Variants in ZDHHC24 observed in about 807,000 individuals in gnomAD.
ZDHHC24 encodes the protein zDHHC palmitoyltransferase 24, also known as probable palmitoyltransferase ZDHHC24.
Under a neutral mutation model 23.2 loss-of-function variants are expected in ZDHHC24, and 17 were observed. The ratio of observed to expected loss-of-function variants is 0.73; its 90% CI spans 0.50 to 1.10. The LOEUF (loss-of-function observed/expected upper bound fraction) is 1.10, where lower values mean the gene tolerates loss of function less well. Ranked by LOEUF, ZDHHC24 falls within the 50% of genes least tolerant of loss-of-function variation. ZDHHC24 has a pLI of 0.00. For missense variants in ZDHHC24, 366 were observed against 393.0 expected (o/e 0.93, Z 0.58); for synonymous variants, 186 against 194.5 (o/e 0.96, Z 0.36).
At chr11:66,529,211 G>C in intron 3 of ZDHHC24, 2 of 1,481,272 alleles carry the variant, frequency 1.4e-6, no homozygotes, top group East Asian at 5.0e-5. Context: ...GTGGGCCCTG[G>C]AGGTGGCTTG....
Position 66,545,749 on chromosome 11 carries a change from G to C in ZDHHC24, c.255C>G (p.Ala85=). The change falls in exon 1 of 3, where the codon GCC becomes GCG. Residue 85 remains alanine, a synonymous_variant. Transcript: ENST00000310442. The surrounding 1 kb of genome is among the most constrained non-coding windows in gnomAD (Gnocchi z 4.5). ...SDPSIRGVML[A]GRGLGQGWAY... Reference sequence around the variant, plus strand: ...CCCAGCCCTGGCCCAGACCGCGGCCGGCCAGCATCACGCCACGGATGCTGG... The same window carrying C: ...CCCAGCCCTGGCCCAGACCGCGGCCCGCCAGCATCACGCCACGGATGCTGG... 1 of 1,585,476 alleles carries C rather than the reference G, an allele frequency of 6.3e-7. No individual in the cohort carries two copies. The highest frequency in any genetic ancestry group is 8.5e-7 in the Non-Finnish European group (1 of 1,171,432).
At chr11:66,524,503 G>T (rs929188888) in intron 4 of ZDHHC24, among the ~76,000 whole-genome samples, 2 of 152,114 alleles carry the variant, frequency 1.3e-5, no homozygotes, top group East Asian at 1.9e-4. Flanking sequence ...GATAAATGGG[G>T]ATGGACTCCA....
intron 2 of ZDHHC24, among the ~76,000 whole-genome samples, chr11:66,541,901 A>G (rs1857163346): frequency 6.6e-6 from 1 of 151,934 alleles, no homozygotes; most frequent in Non-Finnish European, 1.5e-5. Flanking sequence ...TCCCTTGGGA[A>G]GCTTAGAGCA....
At chr11:66,541,753 A>G (rs1459197261) in intron 2 of ZDHHC24, among the ~76,000 whole-genome samples, 1 of 152,142 alleles carries the variant, frequency 6.6e-6, no homozygotes, top group African/African-American at 2.4e-5. Flanking sequence ...GCTGGGGGCC[A>G]GCAGTGTCAT....
chr11:66,526,894 T>A lies in ZDHHC24; in HGVS notation c.*21+42A>T, dbSNP rs1223305558. ...GGGGGAATGCTGCCCAGCCTCCCTG[T>A]GCACTGGGAGGAGATCTCGGCCAAC... On this transcript the variant is annotated intron_variant, in intron 4 of 4. Transcript: ENST00000526986. The A allele has an allele frequency of 6.2e-6, 10 of 1,612,102 alleles. No homozygotes were observed. In the Admixed American group the frequency reaches 1.7e-4, roughly 27 times the overall value.
In ZDHHC24 at chr11:66,543,742, G is replaced by A. The variant is rs1489529443; in HGVS notation, c.521C>T (p.Ala174Val). Residue 174 changes from alanine (A) to valine (V), a missense_variant, in exon 2 of 3, where the codon GCT becomes GTT. Coordinates refer to ENST00000310442, the MANE Select transcript of ZDHHC24 (RefSeq NM_207340.3). ...GAGCCAGGGAAGCAGGAGGAGGGCA[G>A]CCATGTGGAGGGGCGTGTGGGCTCG... is the stretch of plus-strand genomic sequence containing the variant. ...LLRAHTPLHM[A>V]ALLLLPWLML... The A allele has an allele frequency of 1.2e-6, 2 of 1,602,364 alleles. No individual in the cohort carries two copies. Among genetic ancestry groups the A allele is most frequent in the Middle Eastern group, 1.8e-4 (1 of 5,650 alleles).
chr11:66,526,870 G>C, intron 4 of ZDHHC24: 11 of 1,613,722 alleles, frequency 6.8e-6, no homozygotes, highest in Non-Finnish European at 9.3e-6. Flanking sequence ...AGCAAAGCTG[G>C]GGGAATGCTG....
At position 66,523,591 on chromosome 11, in the gene ZDHHC24, AAGC is replaced by A. The variant is rs759627328; in HGVS notation, c.*22-2128_*22-2126del. The A allele has an allele frequency of 1.5e-5, 25 of 1,613,938 alleles. No individual in the cohort carries two copies. The highest frequency in any genetic ancestry group is 1.9e-5 in the Non-Finnish European group (22 of 1,180,028). ...TCACCCACAAGGTGCAGCCCCCAGC[AAGC>A]AGCAGCCCCTCCACGCCTATGTCCC... On this transcript the variant is annotated intron_variant, in intron 4 of 4. Transcript: ENST00000526986.
At chr11:66,531,019 C>T, downstream of ZDHHC24, 2 of 1,614,222 alleles carry the variant, frequency 1.2e-6, no homozygotes, top group Non-Finnish European at 1.7e-6. Flanking sequence ...TGCCCCGGGC[C>T]TTCTTCAAGG....
At chr11:66,531,526 A>C, downstream of ZDHHC24, 1 of 1,192,730 alleles carries the variant, frequency 8.4e-7, no homozygotes. Context: ...ATCCTCCTCC[A>C]CCCAGCAGTT....
chr11:66,521,946 C>T (rs1856249915), intron 4 of ZDHHC24, among the ~76,000 whole-genome samples: 1 of 138,632 alleles, frequency 7.2e-6, no homozygotes. Flanking sequence ...GTGCCGGGTG[C>T]ATTGCCTCAC....
At chr11:66,528,141 A>C (rs11608107) in intron 3 of ZDHHC24, among the ~76,000 whole-genome samples, 2,305 of 152,252 alleles carry the variant, frequency 0.015, 19 homozygotes, top group Non-Finnish European at 0.023. Context: ...ACTTGAACCT[A>C]GGAGGCAAAG....
chr11:66,523,644 C>G, intron 4 of ZDHHC24: 1 of 1,611,838 alleles, frequency 6.2e-7, no homozygotes, highest in Non-Finnish European at 8.5e-7. Context: ...CAAGAGAGTC[C>G]TCTGGCTTCC....
In ZDHHC24 at chr11:66,536,230, G is replaced by A. The variant is rs1358951069; in HGVS notation, c.*3299C>T. 2 of 152,404 alleles carry A rather than the reference G, an allele frequency of 1.3e-5. No individual in the cohort carries two copies. The highest frequency in any genetic ancestry group is 2.1e-4 in the South Asian group (1 of 4,840). 9.4% of individuals were successfully genotyped at this position (152,404 alleles called of 1,614,324 possible). A position where few individuals can be genotyped will look rare whatever the true frequency, so the allele number is the denominator to read the frequency against. On this transcript the variant is annotated 3_prime_UTR_variant, in exon 3 of 3. Coordinates refer to ENST00000310442, the MANE Select transcript of ZDHHC24 (RefSeq NM_207340.3). ...CTGTTTCCTCTTAATTTTTATAAAT[G>A]TGTTCTTGTAGCTCCTCACTAATTA...
At chr11:66,522,088 G>A (rs1590763899) in intron 4 of ZDHHC24, among the ~76,000 whole-genome samples, 2 of 146,710 alleles carry the variant, frequency 1.4e-5, no homozygotes, top group East Asian at 4.3e-4. Context: ...ATGGTGGTGG[G>A]CGCCTGTAGT....
At chr11:66,541,360 G>A (rs1200156250) in intron 2 of ZDHHC24, among the ~76,000 whole-genome samples, 4 of 151,018 alleles carry the variant, frequency 2.6e-5, no homozygotes, top group Non-Finnish European at 5.9e-5. Flanking sequence ...CCGAGATCGC[G>A]CTATTGCACT....
exon 5 of ZDHHC24, chr11:66,521,160 G>A: frequency 1.2e-6 from 1 of 826,200 alleles, no homozygotes; most frequent in Non-Finnish European, 2.1e-6. Context: ...CTGGGTGTAA[G>A]TGAGGAGATT....
chr11:66,529,039 G>C, intron 3 of ZDHHC24: 1 of 967,968 alleles, frequency 1.0e-6, no homozygotes, highest in East Asian at 1.1e-4. Flanking sequence ...ATTAATTCTG[G>C]ATAGATTAAA....
At chr11:66,543,607 C>T in intron 2 of ZDHHC24, 97 bp downstream of exon 2, 1 of 1,434,304 alleles carries the variant, frequency 7.0e-7, no homozygotes, top group Non-Finnish European at 9.2e-7. Context: ...GCTGGGTCCC[C>T]CAGGCCAGAA....
Sources: gnomAD v4.1 joint callset for allele counts (sites outside exome capture counted in the v4.1 genomes callset) on GRCh38, gnomAD v4.1.1 for gene constraint, Gnocchi (gnomAD v3.1) non-coding constraint, MANE v1.5 for transcripts, NCBI Gene and HGNC (gene_info 2026-07-23, HGNC 2026-07-21) for gene names.